Variants in FNBP4 observed in about 807,000 individuals in gnomAD.
The protein encoded by FNBP4 is formin binding protein 4, also known as formin-binding protein 4.
A neutral mutation model predicts 119.3 loss-of-function variants in FNBP4; 34 were observed. The observed-to-expected ratio is 0.28, with a 90% CI of 0.22 to 0.38. The LOEUF (loss-of-function observed/expected upper bound fraction) is 0.38, where lower values mean the gene tolerates loss of function less well. Ranked by LOEUF, FNBP4 falls within the 10% of genes least tolerant of loss-of-function variation. The probability of loss-of-function intolerance (pLI) is 1.00; values close to 1 mark genes in which losing one functional copy is unlikely to be tolerated. For missense variants in FNBP4, 1,112 were observed against 1,228.9 expected, an observed-to-expected ratio of 0.90 and a Z score of 1.42; for synonymous variants, 462 against 430.6, an observed-to-expected ratio of 1.07 and a Z score of -0.90.
rs2097649870 is a variant in FNBP4 at position 47,767,303 on chromosome 11, C to T, written c.-15G>A. 6.7e-7 allele frequency: 1 copy of T among 1,488,816 alleles called. No homozygotes were observed. Among genetic ancestry groups the T allele is most frequent in the Non-Finnish European group, 8.9e-7 (1 of 1,125,860 alleles). The allele number at this position is 1,488,816 out of a possible 1,614,324, so 92.2% of individuals were successfully genotyped here. On this transcript the variant is annotated 5_prime_UTR_variant, in exon 1 of 17. Coordinates refer to ENST00000263773, the MANE Select transcript of FNBP4 (RefSeq NM_015308.5). ...TTCTTCCCCATCGCGAGCCCAAGCG[C>T]GAGCAGAGAGCGTCGGGCGGCCGAG... is the stretch of plus-strand genomic sequence containing the variant.
intron 1 of FNBP4, among the ~76,000 whole-genome samples, chr11:47,765,624 G>A (rs2097646123): frequency 8.4e-6 from 1 of 118,938 alleles, no homozygotes; most frequent in African/African-American, 3.5e-5. Context: ...GGCCACCATG[G>A]TGAAACTCCA....
chr11:47,733,955 C>T lies in FNBP4; in HGVS notation c.1686+70G>A, dbSNP rs2097570539. On this transcript the variant is annotated intron_variant, in intron 10 of 16. Transcript: ENST00000263773. ...GCTTAAAATGTAAGCAAGACAGAAT[C>T]GTTAACACATACAGCATTTCATTCA... is the stretch of plus-strand genomic sequence containing the variant. 7.3e-6 allele frequency: 5 copies of T among 689,586 alleles called. No homozygotes were observed. The East Asian group carries it at 8.7e-5, about 12-fold the overall frequency. The allele number at this position is 689,586 out of a possible 1,614,324, so 42.7% of individuals were successfully genotyped here.
Position 47,767,087 on chromosome 11 carries a change from C to G in FNBP4, c.202G>C (p.Asp68His). 1.3e-6 allele frequency: 2 copies of G among 1,531,482 alleles called. No homozygotes were observed. Among genetic ancestry groups the G allele is most frequent in the Non-Finnish European group, 1.7e-6 (2 of 1,145,394 alleles). The allele number at this position is 1,531,482 out of a possible 1,614,324, so 94.9% of individuals were successfully genotyped here. The change falls in exon 1 of 17, where the codon GAC (aspartate) becomes CAC (histidine). Residue 68 changes from aspartate to histidine, a missense_variant. By Grantham distance (81) the Asp-to-His change is moderately conservative (BLOSUM62 -1). This residue lies in a region of FNBP4 where 286 missense variants were observed against 240.1 expected (regional missense o/e 1.19). Transcript: ENST00000263773. ...CCCTTGCCTTCTGAAGGCGAGTCGT[C>G]CGAGGCCGCGGCGGCAGTCACCGCG... Reference protein sequence around the residue: ...TTAVTAAAASDDSPSEDEQEA... With the variant: ...TTAVTAAAASHDSPSEDEQEA...
intron 12 of FNBP4, chr11:47,729,106 C>A (rs912889726): frequency 1.1e-6 from 1 of 936,160 alleles, no homozygotes; most frequent in African/African-American, 1.8e-5. Flanking sequence ...CCCGCCTCAG[C>A]CCCCCAAAGT....
chr11:47,732,935 A>G lies in FNBP4; in HGVS notation c.1687-265T>C, dbSNP rs1215376679. Among the ~76,000 whole-genome samples the G allele has an allele frequency of 6.6e-6, 1 of 152,136 alleles. No individual in the cohort carries two copies. Among genetic ancestry groups the G allele is most frequent in the African/African-American group, 2.4e-5 (1 of 41,424 alleles). The stretch of plus-strand genomic sequence containing the variant: ...GAGTTCAAGACCAGCCTGGCCAACA[A>G]GGTGAGACCCTGTCTGTACTAAAAA... On this transcript the variant is annotated intron_variant, in intron 10 of 16. Transcript: ENST00000263773. This position sits in a 1 kb window ranked among gnomAD's most constrained non-coding sequence, Gnocchi z 4.2.
chr11:47,757,860 T>C (rs1202293956), intron 2 of FNBP4, among the ~76,000 whole-genome samples: 2 of 152,186 alleles, frequency 1.3e-5, no homozygotes, highest in African/African-American at 4.8e-5. Context: ...TCTTGCTCTA[T>C]TGCCAAGGCA....
chr11:47,732,458 A>G lies in FNBP4; in HGVS notation c.1820+79T>C. 1.3e-6 allele frequency: 2 copies of G among 1,594,010 alleles called. No homozygotes were observed. Among genetic ancestry groups the G allele is most frequent in the Admixed American group, 1.7e-5 (1 of 58,776 alleles). Reference sequence around the variant, plus strand: ...GCTCTCAGTCTCCAGACAGGCTGTCATGTCGTCAGATGGTGGTGATCACAA... The same window carrying G: ...GCTCTCAGTCTCCAGACAGGCTGTCGTGTCGTCAGATGGTGGTGATCACAA... On this transcript the variant is annotated intron_variant, in intron 11 of 16. Transcript: ENST00000263773. The surrounding 1 kb of genome is among the most constrained non-coding windows in gnomAD (Gnocchi z 4.2).
chr11:47,739,784 C>A (rs903545878), intron 8 of FNBP4, among the ~76,000 whole-genome samples: 7 of 151,964 alleles, frequency 4.6e-5, no homozygotes, highest in African/African-American at 7.2e-5. Context: ...AATCTGTCTC[C>A]TTTTTCTTTT....
intron 12 of FNBP4, chr11:47,730,266 CAAAAGA>C (rs2097565896): frequency 1.0e-6 from 1 of 981,650 alleles, no homozygotes; most frequent in Non-Finnish European, 1.2e-6. Flanking sequence ...GAAAAATATT[CAAAAGA>C]AAATCTCTTC....
At position 47,767,162 on chromosome 11, in the gene FNBP4, C is replaced by A; in HGVS notation, c.127G>T (p.Ala43Ser). 6.5e-7 allele frequency: 1 copy of A among 1,549,250 alleles called. No individual in the cohort carries two copies. The highest frequency in any genetic ancestry group is 8.7e-7 in the Non-Finnish European group (1 of 1,152,688). ...PEPDTEPDST[A>S]AVPSQPAPSA... ...GGGGCGGGCTGGCTGGGGACCGCCG[C>A]GGTTGAGTCCGGCTCAGTGTCGGGT... Residue 43 changes from alanine to serine, a missense_variant, in exon 1 of 17, where the codon GCG becomes TCG. By Grantham distance (99) the Ala-to-Ser change is moderately conservative (BLOSUM62 1). Around this residue, in one of 2 missense-constraint regions of FNBP4, gnomAD observed 286 missense variants for 240.1 expected, o/e 1.19. Transcript: ENST00000263773.
At chr11:47,751,698 A>C (rs765067986) in intron 4 of FNBP4, among the ~76,000 whole-genome samples, 2 of 152,176 alleles carry the variant, frequency 1.3e-5, no homozygotes, top group Non-Finnish European at 2.9e-5. Flanking sequence ...CATGCCTGTA[A>C]TCCCAGCATT....
intron 16 of FNBP4, among the ~76,000 whole-genome samples, chr11:47,717,852 G>T (rs1020871707): frequency 6.6e-6 from 1 of 151,926 alleles, no homozygotes; most frequent in African/African-American, 2.4e-5. Context: ...AGGTTCAAGC[G>T]ATTCTCCTGC....
At chr11:47,729,640 G>A in intron 12 of FNBP4, 1 of 955,422 alleles carries the variant, frequency 1.0e-6, no homozygotes, top group Non-Finnish European at 1.2e-6. Flanking sequence ...CTCCCAAACA[G>A]CTCGGACTAC....
intron 2 of FNBP4, among the ~76,000 whole-genome samples, chr11:47,764,920 AAT>A (rs1453972945): frequency 6.6e-6 from 1 of 152,190 alleles, no homozygotes; most frequent in African/African-American, 2.4e-5. Flanking sequence ...CAGGTCCACC[AAT>A]GTTTGTTAGG....
intron 2 of FNBP4, among the ~76,000 whole-genome samples, chr11:47,762,314 C>T (rs760294188): frequency 7.3e-5 from 11 of 151,722 alleles, no homozygotes; most frequent in Admixed American, 2.0e-4. Flanking sequence ...TTTTTAGTAG[C>T]GATGGGGTTT....
In FNBP4 at chr11:47,731,202, G is replaced by A. The variant is rs1460802413; in HGVS notation, c.2008+172C>T. The A allele has an allele frequency of 5.3e-6, 3 of 567,140 alleles. No homozygotes were observed. In the Admixed American group the frequency reaches 1.1e-4, roughly 22 times the overall value. 35.1% of individuals were successfully genotyped at this position (567,140 alleles called of 1,614,324 possible). A position where few individuals can be genotyped will look rare whatever the true frequency, so the allele number is the denominator to read the frequency against. On this transcript the variant is annotated intron_variant, in intron 12 of 16. Transcript: ENST00000263773. ...CACAGTTTTACACGTGATAACAATA[G>A]TATGCTGATTTCCAACCATAATAAC... is the stretch of plus-strand genomic sequence containing the variant.
At chr11:47,722,955 A>G in intron 15 of FNBP4, 21 bp downstream of exon 15, 1 of 1,476,156 alleles carries the variant, frequency 6.8e-7, no homozygotes, top group Middle Eastern at 2.5e-4. Context: ...ATAAATTTTT[A>G]AAAAGGGAAA....
chr11:47,730,023 G>C (rs1404391245), intron 12 of FNBP4: 2 of 985,290 alleles, frequency 2.0e-6, no homozygotes, highest in East Asian at 2.3e-4. Context: ...AACTATGTGT[G>C]TCATAAAGGG....
intron 2 of FNBP4, among the ~76,000 whole-genome samples, chr11:47,762,381 C>G (rs2097637452): frequency 6.6e-6 from 1 of 152,074 alleles, no homozygotes; most frequent in Non-Finnish European, 1.5e-5. Context: ...CCCGCCTTGG[C>G]CTCCCAAAGT....
Sources: allele counts gnomAD v4.1 joint callset (sites outside exome capture counted in the v4.1 genomes callset), GRCh38; gene constraint gnomAD v4.1.1; regional missense constraint gnomAD v4.1.1; non-coding constraint Gnocchi (gnomAD v3.1); transcripts MANE v1.5; gene names NCBI Gene and HGNC (gene_info 2026-07-23, HGNC 2026-07-21).